The following CCNYL1 variants were observed in gnomAD, a reference collection of about 807,000 sequenced individuals.
CCNYL1 encodes cyclin-Y-like protein 1.
CCNYL1 carries 16 observed loss-of-function variants against 44.2 expected under a neutral mutation model. That is an observed-to-expected ratio of 0.36 (90% CI 0.25 to 0.55). The LOEUF (loss-of-function observed/expected upper bound fraction) is 0.55, where lower values mean the gene tolerates loss of function less well. CCNYL1 is among the 20% of genes least tolerant of loss of function. CCNYL1 has a pLI of 0.85. For synonymous variants in CCNYL1, 159 were observed against 163.2 expected (o/e 0.97, Z 0.20); for missense variants, 348 against 451.8 (o/e 0.77, Z 2.08).
intron 9 of CCNYL1, among the ~76,000 whole-genome samples, chr2:207,753,119 C>T (rs146518474): frequency 9.2e-5 from 14 of 152,182 alleles, no homozygotes; most frequent in East Asian, 5.8e-4. Flanking sequence ...GTCATCAGAC[C>T]GCTCATATGT....
At chr2:207,721,191 C>T (rs183067704) in intron 1 of CCNYL1, among the ~76,000 whole-genome samples, 2 of 152,196 alleles carry the variant, frequency 1.3e-5, no homozygotes, top group African/African-American at 4.8e-5. Flanking sequence ...TAAACAGATG[C>T]CCAGCAGTTG....
chr2:207,719,452 C>T (rs2091622962), intron 1 of CCNYL1, among the ~76,000 whole-genome samples: 1 of 151,738 alleles, frequency 6.6e-6, no homozygotes. Context: ...AGGCATGTGC[C>T]ACCACGCCCA....
intron 3 of CCNYL1, among the ~76,000 whole-genome samples, chr2:207,731,428 A>G (rs1354464536): frequency 6.6e-6 from 1 of 152,212 alleles, no homozygotes; most frequent in Non-Finnish European, 1.5e-5. Flanking sequence ...TGCAGACTAA[A>G]TGAAGATGAA....
chr2:207,729,732 G>C (rs2091711103), intron 3 of CCNYL1, among the ~76,000 whole-genome samples: 1 of 151,082 alleles, frequency 6.6e-6, no homozygotes, highest in African/African-American at 2.4e-5. Context: ...TTCTGAGAGA[G>C]TCTCATTCTG....
Position 207,711,831 on chromosome 2 carries a change from C to G in CCNYL1, c.-66C>G. ...GCCGCGCCATTGTTGGGGGAGGGGG[C>G]GGCTGTTGAGGGCGGCGGAGTAGGG... On this transcript the variant is annotated 5_prime_UTR_variant, in exon 1 of 10. Transcript: ENST00000295414. 4.5e-6 allele frequency: 5 copies of G among 1,117,386 alleles called. No individual in the cohort carries two copies. Among genetic ancestry groups the G allele is most frequent in the Non-Finnish European group, 5.9e-6 (5 of 848,004 alleles). The allele number at this position is 1,117,386 out of a possible 1,614,324, so 69.2% of individuals were successfully genotyped here. A position where few individuals can be genotyped will look rare whatever the true frequency, so the allele number is the denominator to read the frequency against.
At chr2:207,714,437 C>T (rs530459169) in intron 1 of CCNYL1, 26 of 384,862 alleles carry the variant, frequency 6.8e-5, no homozygotes, top group South Asian at 3.1e-4. Flanking sequence ...GCTGGGACCA[C>T]GGGCGTGTGC....
intron 1 of CCNYL1, among the ~76,000 whole-genome samples, chr2:207,722,520 C>G (rs983208926): frequency 6.6e-6 from 1 of 151,296 alleles, no homozygotes; most frequent in Non-Finnish European, 1.5e-5. Context: ...TCCTGGACTT[C>G]ATTGAAAATT....
chr2:207,716,905 C>A (rs1001702229), intron 1 of CCNYL1, among the ~76,000 whole-genome samples: 1 of 152,008 alleles, frequency 6.6e-6, no homozygotes, highest in African/African-American at 2.4e-5. Context: ...GTCAGGAGAT[C>A]GAGACCATCC....
chr2:207,716,842 G>T (rs972881982), intron 1 of CCNYL1, among the ~76,000 whole-genome samples: 1 of 152,184 alleles, frequency 6.6e-6, no homozygotes, highest in East Asian at 1.9e-4. Flanking sequence ...AGGTGTGGTG[G>T]CTCACGCCTG....
At position 207,747,259 on chromosome 2, in the gene CCNYL1, T is replaced by C. The variant is rs746651117; in HGVS notation, c.806+46T>C. The C allele has an allele frequency of 1.6e-5, 24 of 1,516,270 alleles. No homozygotes were observed. In the South Asian group the frequency reaches 2.8e-4, roughly 18 times the overall value. 93.9% of individuals were successfully genotyped at this position (1,516,270 alleles called of 1,614,324 possible). A position where few individuals can be genotyped will look rare whatever the true frequency, so the allele number is the denominator to read the frequency against. ...TGAACTTTCTAACCATTTTCCAGTA[T>C]CTTATTCCTATAAAGTTAACAATTT... On this transcript the variant is annotated intron_variant, in intron 8 of 9. Coordinates refer to ENST00000295414, the MANE Select transcript of CCNYL1 (RefSeq NM_001330218.2).
At chr2:207,712,548 G>A (rs1440259664) in intron 1 of CCNYL1, among the ~76,000 whole-genome samples, 15 of 152,120 alleles carry the variant, frequency 9.9e-5, no homozygotes, top group Admixed American at 8.5e-4. Flanking sequence ...AAGGAACCAG[G>A]TAAGGGTCTG....
intron 9 of CCNYL1, among the ~76,000 whole-genome samples, chr2:207,751,600 A>C (rs2105842875): frequency 6.6e-6 from 1 of 152,308 alleles, no homozygotes; most frequent in East Asian, 1.9e-4. Flanking sequence ...TACGCCTGTA[A>C]GCCCAGCACT....
At chr2:207,721,367 A>G (rs976339761) in intron 1 of CCNYL1, among the ~76,000 whole-genome samples, 3 of 152,202 alleles carry the variant, frequency 2.0e-5, no homozygotes, top group East Asian at 1.9e-4. Flanking sequence ...ACAGTTTACA[A>G]TTGCATAATT....
chr2:207,734,523 A>T (rs545577329), intron 4 of CCNYL1, among the ~76,000 whole-genome samples: 1 of 152,358 alleles, frequency 6.6e-6, no homozygotes, highest in Admixed American at 6.5e-5. Context: ...CTTGGGCACA[A>T]TCTGAGATGC....
intron 1 of CCNYL1, among the ~76,000 whole-genome samples, chr2:207,720,448 G>T (rs573809221): frequency 6.8e-6 from 1 of 148,036 alleles, no homozygotes; most frequent in Non-Finnish European, 1.5e-5. Context: ...TCTGCCTGTC[G>T]CCCAGGCTGG....
In CCNYL1 at chr2:207,753,536, C is replaced by CGG. The variant is rs975839919; in HGVS notation, c.970-50_970-49dup. 1.8e-5 allele frequency: 22 copies of CGG among 1,227,384 alleles called. No individual in the cohort carries two copies. The African/African-American group carries it at 3.1e-4, about 17-fold the overall frequency. 76.0% of individuals were successfully genotyped at this position (1,227,384 alleles called of 1,614,324 possible). On this transcript the variant is annotated intron_variant, in intron 9 of 9. Coordinates refer to ENST00000295414, the MANE Select transcript of CCNYL1 (RefSeq NM_001330218.2). ...TTTCACAATGGTGCTCTTTCAAAGG[C>CGG]GGGAACCCTTTTTAAAATTGTACCT...
Position 207,731,207 on chromosome 2 carries a change from A to G in CCNYL1, c.331-2740A>G, listed in dbSNP as rs1042127865. ...TTTTTGAGACGGATTCTGTAGTAGCATTTACCTCTTATTTTAAATGGGTTA... is the reference window on the plus strand; with the variant it reads ...TTTTTGAGACGGATTCTGTAGTAGCGTTTACCTCTTATTTTAAATGGGTTA... On this transcript the variant is annotated intron_variant, in intron 3 of 9. Transcript: ENST00000295414. 5.3e-5 allele frequency among the ~76,000 whole-genome samples: 8 copies of G among 151,998 alleles called. No individual in the cohort carries two copies. In the East Asian group the frequency reaches 5.8e-4, roughly 11 times the overall value.
rs2091913507 is a variant in CCNYL1 at position 207,753,992 on chromosome 2, T to C, written c.*294T>C. 2 of 273,364 alleles carry C rather than the reference T, an allele frequency of 7.3e-6. No homozygotes were observed. The highest frequency in any genetic ancestry group is 1.4e-5 in the Non-Finnish European group (2 of 146,354). The allele number at this position is 273,364 out of a possible 1,614,324, so 16.9% of individuals were successfully genotyped here. On this transcript the variant is annotated 3_prime_UTR_variant, in exon 10 of 10. Coordinates refer to ENST00000295414, the MANE Select transcript of CCNYL1 (RefSeq NM_001330218.2). ...TTTGCTTACTGTGTGGGCCGATAGCTGTGAACTATGTAAGGTTTTTTAAAC... is the reference window on the plus strand; with the variant it reads ...TTTGCTTACTGTGTGGGCCGATAGCCGTGAACTATGTAAGGTTTTTTAAAC...
chr2:207,733,835 A>G, intron 3 of CCNYL1, 112 bp from the exon 4 acceptor site: 1 of 672,936 alleles, frequency 1.5e-6, no homozygotes, highest in Non-Finnish European at 2.7e-6. Context: ...CAGTTCATGG[A>G]GTGTAAGAAA....
Sources: gnomAD v4.1 joint callset for allele counts (sites outside exome capture counted in the v4.1 genomes callset) on GRCh38, gnomAD v4.1.1 for gene constraint, MANE v1.5 for transcripts, NCBI Gene and HGNC (gene_info 2026-07-23, HGNC 2026-07-21) for gene names.